The following MRC2 variants were observed in gnomAD, a reference collection of about 807,000 sequenced individuals.
The protein encoded by MRC2 is mannose receptor C-type 2.
Under a neutral mutation model 206.2 loss-of-function variants are expected in MRC2, and 84 were observed. The ratio of observed to expected loss-of-function variants is 0.41; its 90% CI spans 0.34 to 0.49. MRC2 has a LOEUF of 0.49. Ranked by LOEUF, MRC2 falls within the 20% of genes least tolerant of loss-of-function variation. The pLI, the probability that MRC2 is intolerant of heterozygous loss-of-function variation, is 0.31. For missense variants in MRC2, 1,676 were observed against 2,001.5 expected (o/e 0.84, Z 3.10); for synonymous variants, 798 against 800.0 (o/e 1.00, Z 0.04).
intron 11 of MRC2, 194 bp downstream of exon 11, chr17:62,676,725 C>A: frequency 1.8e-6 from 1 of 564,660 alleles, no homozygotes; most frequent in Non-Finnish European, 2.9e-6. Context: ...AGCTGTGCAT[C>A]CTCTGAGCCT....
rs764497076 is a variant in MRC2 at position 62,666,051 on chromosome 17, G to C, written c.521-43G>C. ...GGGTCGAGGGGCTTGGCAGCCTCTG[G>C]TGTCCAGATGCCAAGGGCCTGGCCC... On this transcript the variant is annotated intron_variant, in intron 2 of 29. Transcript: ENST00000303375. This position sits in a 1 kb window ranked among gnomAD's most constrained non-coding sequence, Gnocchi z 5.0. The C allele has an allele frequency of 6.5e-7, 1 of 1,542,264 alleles. No individual in the cohort carries two copies. The highest frequency in any genetic ancestry group is 8.7e-7 in the Non-Finnish European group (1 of 1,143,702).
In MRC2 at chr17:62,671,110, C is replaced by G. The variant is rs183453204; in HGVS notation, c.1118-539C>G. ...TGATTGAGATAAGGTCTTGCTGTGT[C>G]GCCCAGGCTGGAGTTTAGTGGTGCA... is the stretch of plus-strand genomic sequence containing the variant. On this transcript the variant is annotated intron_variant, in intron 6 of 29. Coordinates refer to ENST00000303375, the MANE Select transcript of MRC2 (RefSeq NM_006039.5). This position sits in a 1 kb window ranked among gnomAD's most constrained non-coding sequence, Gnocchi z 4.5. Among the ~76,000 whole-genome samples the G allele has an allele frequency of 6.6e-6, 1 of 152,146 alleles. No homozygotes were observed. Among genetic ancestry groups the G allele is most frequent in the Non-Finnish European group, 1.5e-5 (1 of 68,032 alleles).
chr17:62,638,102 C>G (rs1409457860), intron 1 of MRC2, among the ~76,000 whole-genome samples: 1 of 152,126 alleles, frequency 6.6e-6, no homozygotes, highest in African/African-American at 2.4e-5. Context: ...GGCTCAAGGG[C>G]TCCTCCTGCC....
At chr17:62,673,318 C>A (rs1041536764) in intron 8 of MRC2, among the ~76,000 whole-genome samples, 1 of 152,128 alleles carries the variant, frequency 6.6e-6, no homozygotes, top group African/African-American at 2.4e-5. Context: ...CTAAATTCCT[C>A]CTCAGCTTCA....
In MRC2 at chr17:62,667,274, G is replaced by T. The variant is rs996457651; in HGVS notation, c.974-116G>T. ...GCTGGAGCTGAGCACCAGGCTTCCC[G>T]AACTGGCTCAGGCTTCCGAGGGAGC... On this transcript the variant is annotated intron_variant, in intron 5 of 29. Transcript: ENST00000303375. This position sits in a 1 kb window ranked among gnomAD's most constrained non-coding sequence, Gnocchi z 4.1. The T allele has an allele frequency of 7.3e-7, 1 of 1,373,966 alleles. No homozygotes were observed. Among genetic ancestry groups the T allele is most frequent in the East Asian group, 2.5e-5 (1 of 40,308 alleles). The allele number at this position is 1,373,966 out of a possible 1,614,324, so 85.1% of individuals were successfully genotyped here.
intron 1 of MRC2, among the ~76,000 whole-genome samples, chr17:62,657,910 C>T (rs2088636903): frequency 6.6e-6 from 1 of 152,098 alleles, no homozygotes; most frequent in African/African-American, 2.4e-5. Context: ...CTCTCAAGAA[C>T]CCCCTGACCC....
intron 1 of MRC2, among the ~76,000 whole-genome samples, chr17:62,654,869 G>A (rs1260967207): frequency 6.6e-6 from 1 of 152,228 alleles, no homozygotes; most frequent in East Asian, 1.9e-4. Context: ...ACTAGACACG[G>A]TGGCTCACAC....
chr17:62,652,764 G>A lies in MRC2; in HGVS notation c.119-11784G>A, dbSNP rs532341634. 1.4e-3 allele frequency among the ~76,000 whole-genome samples: 204 copies of A among 144,960 alleles called. 1 individual carries two copies. The highest frequency in any genetic ancestry group is 2.4e-3 in the Non-Finnish European group (158 of 65,904). ...TCACGGTGACAGAGGAAGTGGCGCC[G>A]CTTGGGGGGGTGCACGATGGCAGGG... is the stretch of plus-strand genomic sequence containing the variant. On this transcript the variant is annotated intron_variant, in intron 1 of 29. Transcript: ENST00000303375. This position sits in a 1 kb window ranked among gnomAD's most constrained non-coding sequence, Gnocchi z 4.6.
chr17:62,642,980 G>C (rs2147439028), intron 1 of MRC2, among the ~76,000 whole-genome samples: 1 of 152,240 alleles, frequency 6.6e-6, no homozygotes, highest in South Asian at 2.1e-4. Flanking sequence ...AGCATGGATG[G>C]AGTTCACAAA....
intron 18 of MRC2, chr17:62,681,489 G>A (rs944202312): frequency 8.7e-6 from 4 of 461,944 alleles, no homozygotes; most frequent in Middle Eastern, 5.7e-4. Context: ...TTTGTATTTG[G>A]TGCCTACTTA....
intron 1 of MRC2, among the ~76,000 whole-genome samples, chr17:62,641,049 T>C (rs1192701181): frequency 6.6e-6 from 1 of 151,576 alleles, no homozygotes; most frequent in Non-Finnish European, 1.5e-5. Context: ...CTTGCTATGT[T>C]GCCCAGGCTG....
At chr17:62,647,249 T>C (rs2088501756) in intron 1 of MRC2, among the ~76,000 whole-genome samples, 1 of 149,664 alleles carries the variant, frequency 6.7e-6, no homozygotes, top group Admixed American at 6.7e-5. Context: ...AGTGGCATGA[T>C]CTTGGCTCAC....
At chr17:62,681,163 G>GGGCT in intron 18 of MRC2, 34 bp downstream of exon 18, 1 of 1,607,460 alleles carries the variant, frequency 6.2e-7, no homozygotes, top group Non-Finnish European at 8.5e-7. Flanking sequence ...ATGTGGAAGG[G>GGGCT]GGCTGGCTGT....
intron 1 of MRC2, among the ~76,000 whole-genome samples, chr17:62,657,883 A>T (rs554575943): frequency 1.3e-5 from 2 of 152,084 alleles, no homozygotes; most frequent in African/African-American, 4.8e-5. Flanking sequence ...CCCACCGGCC[A>T]CTTCGGGTGG....
chr17:62,690,869 G>A (rs2089101313), intron 27 of MRC2, 80 bp from the exon 28 acceptor site: 9 of 1,488,572 alleles, frequency 6.0e-6, no homozygotes, highest in East Asian at 2.5e-5. Flanking sequence ...ACAGGGAGTC[G>A]GTTCTAGAAC....
At chr17:62,642,590 G>A (rs554694247) in intron 1 of MRC2, among the ~76,000 whole-genome samples, 1 of 152,140 alleles carries the variant, frequency 6.6e-6, no homozygotes, top group Non-Finnish European at 1.5e-5. Flanking sequence ...GGGATTACAG[G>A]TGCCTGACAC....
chr17:62,632,887 C>T (rs774919088), intron 1 of MRC2, among the ~76,000 whole-genome samples: 31 of 152,166 alleles, frequency 2.0e-4, no homozygotes, highest in African/African-American at 2.9e-4. Flanking sequence ...CAGCCGGGTG[C>T]GAGGCTGAGC....
Position 62,675,985 on chromosome 17 carries a change from T to G in MRC2, c.1685+80T>G. ...GGTCCCTTCAGCAAACAGGGTAGCA[T>G]CTGCCATCATGCCCAGAGGGACCTG... is the stretch of plus-strand genomic sequence containing the variant. On this transcript the variant is annotated intron_variant, in intron 10 of 29. Coordinates refer to ENST00000303375, the MANE Select transcript of MRC2 (RefSeq NM_006039.5). The surrounding 1 kb of genome is among the most constrained non-coding windows in gnomAD (Gnocchi z 4.1). 1 of 1,186,608 alleles carries G rather than the reference T, an allele frequency of 8.4e-7. No individual in the cohort carries two copies. Among genetic ancestry groups the G allele is most frequent in the Admixed American group, 1.8e-5 (1 of 56,208 alleles). 73.5% of individuals were successfully genotyped at this position (1,186,608 alleles called of 1,614,324 possible).
chr17:62,668,026 G>C (rs1019657887), intron 6 of MRC2, among the ~76,000 whole-genome samples: 2 of 152,134 alleles, frequency 1.3e-5, no homozygotes, highest in African/African-American at 4.8e-5. Context: ...CATATGCAAA[G>C]GTGTGGAGGC....
Sources: gnomAD v4.1 joint callset for allele counts (sites outside exome capture counted in the v4.1 genomes callset) on GRCh38, gnomAD v4.1.1 for gene constraint, Gnocchi (gnomAD v3.1) non-coding constraint, MANE v1.5 for transcripts, NCBI Gene and HGNC (gene_info 2026-07-23, HGNC 2026-07-21) for gene names.